Variants in APC observed in about 807,000 individuals in gnomAD.
APC encodes APC regulator of Wnt signaling pathway, also known as adenomatous polyposis coli protein.
A neutral mutation model predicts 247.0 loss-of-function variants in APC; 72 were observed. The observed-to-expected ratio is 0.29, with a 90% CI of 0.24 to 0.35. The LOEUF (loss-of-function observed/expected upper bound fraction) is 0.35. Ranked by LOEUF, APC falls within the 10% of genes least tolerant of loss-of-function variation. APC has a pLI of 1.00. For missense variants in APC, 3,400 were observed against 3,360.7 expected (o/e 1.01, Z -0.29); for synonymous variants, 1,254 against 1,162.5 (o/e 1.08, Z -1.60).
rs2150007725 is a variant in APC at position 112,844,223 on chromosome 5, T to C, written c.*97T>C. ...GAAACTTTAAAAGACTGAAAAATTT[T>C]GTAAATAGGTTTGATTCTTGTTAGA... On this transcript the variant is annotated 3_prime_UTR_variant, in exon 16 of 16. Transcript: ENST00000257430. The C allele has an allele frequency of 8.4e-7, 1 of 1,185,496 alleles. No individual in the cohort carries two copies. The highest frequency in any genetic ancestry group is 1.4e-5 in the South Asian group (1 of 70,246). The allele number at this position is 1,185,496 out of a possible 1,614,324, so 73.4% of individuals were successfully genotyped here. A position where few individuals can be genotyped will look rare whatever the true frequency, so the allele number is the denominator to read the frequency against.
intron 6 of APC, among the ~76,000 whole-genome samples, chr5:112,785,314 G>C (rs1035919622): frequency 2.6e-5 from 4 of 152,122 alleles, no homozygotes; most frequent in Admixed American, 6.5e-5. Flanking sequence ...ATTTAAACTA[G>C]TAAGAGAATT....
chr5:112,767,428 C>G (rs779503077), intron 4 of APC, 38 bp downstream of exon 4: 1 of 1,450,064 alleles, frequency 6.9e-7, no homozygotes, highest in South Asian at 1.2e-5. Flanking sequence ...GCCTTGTGTA[C>G]TCCAGTTTAT....
intron 1 of APC, among the ~76,000 whole-genome samples, chr5:112,711,318 T>C (rs776813148): frequency 6.6e-6 from 1 of 152,192 alleles, no homozygotes; most frequent in Non-Finnish European, 1.5e-5. Flanking sequence ...AACATTTTCA[T>C]CCTGAAACCA....
chr5:112,786,473 G>T (rs1189619838), intron 6 of APC, among the ~76,000 whole-genome samples: 2 of 152,090 alleles, frequency 1.3e-5, no homozygotes, highest in Non-Finnish European at 2.9e-5. Flanking sequence ...TAGTATGGTG[G>T]TACTTACCCT....
At chr5:112,805,075 A>G (rs2431505) in intron 8 of APC, among the ~76,000 whole-genome samples, 11,204 of 151,982 alleles carry the variant, frequency 0.074, 523 homozygotes, top group Middle Eastern at 0.14. Context: ...GTGTATATGC[A>G]TAGAGAAATG....
intron 5 of APC, among the ~76,000 whole-genome samples, chr5:112,776,689 A>G (rs891461197): frequency 6.6e-6 from 1 of 152,020 alleles, no homozygotes; most frequent in African/African-American, 2.4e-5. Flanking sequence ...GTAAATACAA[A>G]AATTAGCCAG....
chr5:112,840,110 C>G lies in APC; in HGVS notation c.4516C>G (p.Leu1506Val), dbSNP rs1262965215. 5 of 1,614,116 alleles carry G rather than the reference C, an allele frequency of 3.1e-6. No individual in the cohort carries two copies. Among genetic ancestry groups the G allele is most frequent in the Non-Finnish European group, 4.2e-6 (5 of 1,180,010 alleles). ...TPDGFSCSSS[L>V]SALSLDEPFI... ...AGATGGATTTTCTTGTTCATCCAGC[C>G]TGAGTGCTCTGAGCCTCGATGAGCC... Residue 1506 changes from leucine (L) to valine (V), a missense_variant, in exon 16 of 16, where the codon CTG (leucine) becomes GTG (valine). Around this residue, in one of 9 missense-constraint regions of APC, gnomAD observed 1,788 missense variants for 1,649.5 expected, o/e 1.08. Transcript: ENST00000257430. The surrounding 1 kb of genome is among the most constrained non-coding windows in gnomAD (Gnocchi z 4.1).
chr5:112,741,099 C>T (rs996698886), intron 1 of APC, among the ~76,000 whole-genome samples: 3 of 152,136 alleles, frequency 2.0e-5, no homozygotes, highest in African/African-American at 7.2e-5. Context: ...ATATTCACTA[C>T]ATATTTATTA....
chr5:112,746,642 C>G (rs1292730399), intron 1 of APC, among the ~76,000 whole-genome samples: 3 of 152,138 alleles, frequency 2.0e-5, no homozygotes, highest in South Asian at 2.1e-4. Context: ...TCAGCAACCA[C>G]TACTAACAAA....
intron 7 of APC, among the ~76,000 whole-genome samples, chr5:112,795,770 G>T (rs1199046606): frequency 6.6e-6 from 1 of 152,112 alleles, no homozygotes; most frequent in Non-Finnish European, 1.5e-5. Flanking sequence ...CCCTTTTCTG[G>T]AACCTATTAA....
chr5:112,772,737 G>T (rs186256993), intron 4 of APC, among the ~76,000 whole-genome samples: 1 of 151,916 alleles, frequency 6.6e-6, no homozygotes, highest in Admixed American at 6.6e-5. Context: ...GGCTGGTCTC[G>T]AACTCCTGAC....
chr5:112,788,080 T>C (rs1213908333), intron 6 of APC, among the ~76,000 whole-genome samples: 5 of 152,190 alleles, frequency 3.3e-5, no homozygotes. Flanking sequence ...ATGAGTAATG[T>C]CATCTCTTAT....
intron 1 of APC, among the ~76,000 whole-genome samples, chr5:112,728,686 A>G (rs372982211): frequency 2.6e-5 from 4 of 151,668 alleles, no homozygotes; most frequent in East Asian, 1.9e-4. Context: ...AAACTTTTTT[A>G]TAAAGAGTAT....
At position 112,844,243 on chromosome 5, in the gene APC, G is replaced by T; in HGVS notation, c.*117G>T. 1.0e-6 allele frequency: 1 copy of T among 979,676 alleles called. No homozygotes were observed. The highest frequency in any genetic ancestry group is 1.5e-6 in the Non-Finnish European group (1 of 666,186). 60.7% of individuals were successfully genotyped at this position (979,676 alleles called of 1,614,324 possible). Reference sequence around the variant, plus strand: ...AATTTTGTAAATAGGTTTGATTCTTGTTAGAGGGTTTTTGTTCTGGAAGCC... The same window carrying T: ...AATTTTGTAAATAGGTTTGATTCTTTTTAGAGGGTTTTTGTTCTGGAAGCC... On this transcript the variant is annotated 3_prime_UTR_variant, in exon 16 of 16. Coordinates refer to ENST00000257430, the MANE Select transcript of APC (RefSeq NM_000038.6).
intron 7 of APC, among the ~76,000 whole-genome samples, chr5:112,794,581 C>G (rs1438979886): frequency 6.6e-6 from 1 of 152,100 alleles, no homozygotes; most frequent in African/African-American, 2.4e-5. Context: ...CCTAAGCCAC[C>G]AGGACTGCTG....
At chr5:112,778,735 A>G (rs1045063065) in intron 5 of APC, among the ~76,000 whole-genome samples, 5 of 152,050 alleles carry the variant, frequency 3.3e-5, no homozygotes, top group African/African-American at 4.8e-5. Flanking sequence ...AGTAGAGACA[A>G]GGTTTTGATG....
chr5:112,765,950 G>A (rs918505351), intron 2 of APC, among the ~76,000 whole-genome samples: 7 of 152,122 alleles, frequency 4.6e-5, no homozygotes, highest in African/African-American at 1.2e-4. Context: ...GTTGGTGCAC[G>A]CTTAAGAGAC....
In APC at chr5:112,842,600, A is replaced by G. The variant is rs1554087900; in HGVS notation, c.7006A>G (p.Ile2336Val). Residue 2336 changes from isoleucine (I) to valine (V), a missense_variant, in exon 16 of 16, where the codon ATA becomes GTA. Ile to Val is a conservative substitution (Grantham distance 29, BLOSUM62 3). Coordinates refer to ENST00000257430, the MANE Select transcript of APC (RefSeq NM_000038.6). Reference sequence around the variant, plus strand: ...CTCAATTTCCCCTGGTAGAAATGGAATAAGTCCTCCTAACAAATTATCTCA... The same window carrying G: ...CTCAATTTCCCCTGGTAGAAATGGAGTAAGTCCTCCTAACAAATTATCTCA... Reference protein sequence around the residue: ...RNSISPGRNGISPPNKLSQLP... With the variant: ...RNSISPGRNGVSPPNKLSQLP... 5 of 1,613,760 alleles carry G rather than the reference A, an allele frequency of 3.1e-6. No individual in the cohort carries two copies. The highest frequency in any genetic ancestry group is 1.7e-5 in the Admixed American group (1 of 60,014).
At position 112,819,128 on chromosome 5, in the gene APC, G is replaced by C. The variant is rs199562537; in HGVS notation, c.1096G>C (p.Asp366His). The C allele has an allele frequency of 6.2e-7, 1 of 1,613,950 alleles. No homozygotes were observed. The highest frequency in any genetic ancestry group is 1.7e-5 in the Admixed American group (1 of 59,992). The change falls in exon 10 of 16, where the codon GAC becomes CAC. Residue 366 changes from aspartate to histidine, a missense_variant. Coordinates refer to ENST00000257430, the MANE Select transcript of APC (RefSeq NM_000038.6). ...CCAGCTTTTACATGGCAATGACAAA[G>C]ACTCTGTATTGTTGGGAAATTCCCG... ...LIQLLHGNDK[D>H]SVLLGNSRGS...
Sources: gnomAD v4.1 joint callset for allele counts (sites outside exome capture counted in the v4.1 genomes callset) on GRCh38, gnomAD v4.1.1 for gene constraint, gnomAD v4.1.1 regional missense constraint, Gnocchi (gnomAD v3.1) non-coding constraint, MANE v1.5 for transcripts, NCBI Gene and HGNC (gene_info 2026-07-23, HGNC 2026-07-21) for gene names.